MCM9: variants seen among roughly 807,000 people sequenced by gnomAD.
The protein encoded by MCM9 is DNA helicase MCM9.
MCM9 carries 55 observed loss-of-function variants against 72.8 expected under a neutral mutation model. The ratio of observed to expected loss-of-function variants is 0.76; its 90% CI spans 0.61 to 0.95. MCM9 has a LOEUF of 0.95. Ranked by LOEUF, MCM9 falls within the 40% of genes least tolerant of loss-of-function variation. MCM9 has a pLI of 0.00. For missense variants in MCM9, 1,279 were observed against 1,377.0 expected, an observed-to-expected ratio of 0.93 and a Z score of 1.13; for synonymous variants, 480 against 503.4, an observed-to-expected ratio of 0.95 and a Z score of 0.62.
chr6:118,835,393 A>G (rs1774886620), intron 9 of MCM9, among the ~76,000 whole-genome samples: 1 of 152,192 alleles, frequency 6.6e-6, no homozygotes, highest in Non-Finnish European at 1.5e-5. Context: ...GAAGAAAGTC[A>G]ATGGTAGCTT....
At chr6:118,909,477 A>G (rs2114569821) in intron 8 of MCM9, among the ~76,000 whole-genome samples, 1 of 152,358 alleles carries the variant, frequency 6.6e-6, no homozygotes, top group South Asian at 2.1e-4. Flanking sequence ...AAGAAACTGT[A>G]GCACATAAGT....
rs138165800 is a variant in MCM9, at chr6:118,837,256, C to T, written c.1326-8006G>A. On this transcript the variant is annotated intron_variant, in intron 9 of 13. Coordinates refer to ENST00000619706, the MANE Select transcript of MCM9 (RefSeq NM_017696.3). ...GTTTGTTATGATTTTCACTCTTTTG[C>T]ATTTGCTGAGGAGTGTTTTACTTCC... Among the ~76,000 whole-genome samples the T allele has an allele frequency of 5.7e-3, 866 of 152,274 alleles. 8 individuals carry two copies. The highest frequency in any genetic ancestry group is 0.019 in the African/African-American group (794 of 41,550).
intron 6 of MCM9, among the ~76,000 whole-genome samples, chr6:118,914,360 C>T (rs1027674627): frequency 3.3e-5 from 5 of 152,174 alleles, no homozygotes; most frequent in Non-Finnish European, 7.3e-5. Context: ...GCCTAACCAA[C>T]CTATGGAATT....
chr6:118,922,938 A>G (rs746496895), intron 4 of MCM9, among the ~76,000 whole-genome samples: 1 of 150,454 alleles, frequency 6.6e-6, no homozygotes, highest in African/African-American at 2.4e-5. Context: ...AGGCTAAGAC[A>G]GGAGAAATGC....
intron 8 of MCM9, among the ~76,000 whole-genome samples, chr6:118,899,368 CTTT>C (rs1195544733): frequency 3.3e-5 from 5 of 152,140 alleles, no homozygotes; most frequent in Non-Finnish European, 7.4e-5. Flanking sequence ...GGGTTTGGTG[CTTT>C]CCTCCTTCCT....
At chr6:118,879,263 C>T (rs1024020507) in intron 8 of MCM9, among the ~76,000 whole-genome samples, 1 of 147,364 alleles carries the variant, frequency 6.8e-6, no homozygotes, top group East Asian at 2.0e-4. Context: ...AAAAAAAAAA[C>T]CCATGATCCA....
chr6:118,821,023 T>A (rs199861259), intron 13 of MCM9, among the ~76,000 whole-genome samples: 25 of 152,140 alleles, frequency 1.6e-4, no homozygotes, highest in East Asian at 3.9e-4. Flanking sequence ...GTGTATTTGC[T>A]CGTGAGATGG....
At chr6:118,855,061 G>C (rs1776467787) in intron 9 of MCM9, among the ~76,000 whole-genome samples, 1 of 152,170 alleles carries the variant, frequency 6.6e-6, no homozygotes, top group Non-Finnish European at 1.5e-5. Context: ...CAAAGTAGCT[G>C]TGGTTATGAC....
intron 9 of MCM9, among the ~76,000 whole-genome samples, chr6:118,855,159 C>A (rs1441917371): frequency 6.6e-6 from 1 of 152,070 alleles, no homozygotes; most frequent in Non-Finnish European, 1.5e-5. Flanking sequence ...ACAGATAGCA[C>A]AAAAAGCTCA....
chr6:118,874,270 A>G (rs916159356), intron 8 of MCM9, among the ~76,000 whole-genome samples: 1 of 152,192 alleles, frequency 6.6e-6, no homozygotes, highest in Non-Finnish European at 1.5e-5. Flanking sequence ...AATAAAATAA[A>G]AAATCAATTA....
rs1197553155 is a variant in MCM9, at chr6:118,814,819, C to T, written c.*5G>A. The T allele has an allele frequency of 1.3e-6, 2 of 1,485,458 alleles. No individual in the cohort carries two copies. The highest frequency in any genetic ancestry group is 1.8e-6 in the Non-Finnish European group (2 of 1,116,606). The allele number at this position is 1,485,458 out of a possible 1,614,324, so 92.0% of individuals were successfully genotyped here. On this transcript the variant is annotated 3_prime_UTR_variant, in exon 14 of 14. Transcript: ENST00000619706. ...GGTGAGATTTGACCAGAAAGCTTTT[C>T]CCAACTATGACTTTTTTCTCATCTC...
intron 8 of MCM9, among the ~76,000 whole-genome samples, chr6:118,876,056 TGAGCTATCA>T (rs1258461485): frequency 6.6e-6 from 1 of 152,190 alleles, no homozygotes; most frequent in Non-Finnish European, 1.5e-5. Flanking sequence ...TAAACACAAA[TGAGCTATCA>T]GAGCATGAAA....
At chr6:118,849,938 G>A (rs184652052) in intron 9 of MCM9, among the ~76,000 whole-genome samples, 1 of 151,858 alleles carries the variant, frequency 6.6e-6, no homozygotes, top group East Asian at 1.9e-4. Context: ...TATCAGGGAT[G>A]GAAGAAAACA....
chr6:118,843,718 A>ATGTATATATATATG lies in MCM9; in HGVS notation c.1325+12652_1325+12653insCATATATATATACA, dbSNP rs1562407325. 2.7e-3 allele frequency among the ~76,000 whole-genome samples: 203 copies of ATGTATATATATATG among 74,990 alleles called. 12 individuals are homozygous for ATGTATATATATATG. Among genetic ancestry groups the ATGTATATATATATG allele is most frequent in the African/African-American group, 8.9e-3 (193 of 21,800 alleles). 49.2% of individuals were successfully genotyped at this position (74,990 alleles called of 152,430 possible). ...TATATATATATGTATGTATATATATATGTATATATATATATATATATATGA... is the reference window on the plus strand; with the variant it reads ...TATATATATATGTATGTATATATATATGTATATATATATGTGTATATATATATATATATATATGA... On this transcript the variant is annotated intron_variant, in intron 9 of 13. Coordinates refer to ENST00000619706, the MANE Select transcript of MCM9 (RefSeq NM_017696.3).
chr6:118,882,863 G>T (rs992039866), intron 8 of MCM9, among the ~76,000 whole-genome samples: 9 of 152,018 alleles, frequency 5.9e-5, no homozygotes, highest in Non-Finnish European at 7.4e-5. Flanking sequence ...GCCTGGAGGA[G>T]AATTAATATA....
rs143925665 is a variant in MCM9, at chr6:118,826,987, T to A, written c.1733-123A>T. The A allele has an allele frequency of 4.5e-3, 3,383 of 754,150 alleles. 49 individuals are homozygous for A. Among genetic ancestry groups the A allele is most frequent in the African/African-American group, 0.022 (1,259 of 56,722 alleles). The allele number at this position is 754,150 out of a possible 1,614,324, so 46.7% of individuals were successfully genotyped here. ...GCTATTAATAACAACATAATTTTACTAGAACAAGCACAAAAGTCAACATTC... is the reference window on the plus strand; with the variant it reads ...GCTATTAATAACAACATAATTTTACAAGAACAAGCACAAAAGTCAACATTC... On this transcript the variant is annotated intron_variant, in intron 11 of 13. Coordinates refer to ENST00000619706, the MANE Select transcript of MCM9 (RefSeq NM_017696.3).
chr6:118,855,422 G>A (rs1305959400), intron 9 of MCM9, among the ~76,000 whole-genome samples: 1 of 152,060 alleles, frequency 6.6e-6, no homozygotes, highest in Non-Finnish European at 1.5e-5. Context: ...AACATAGCAG[G>A]TCTTTAATGA....
intron 8 of MCM9, among the ~76,000 whole-genome samples, chr6:118,886,879 C>T (rs969548192): frequency 4.6e-4 from 70 of 152,096 alleles, no homozygotes; most frequent in Non-Finnish European, 5.9e-5. Flanking sequence ...GTTGGGGGAT[C>T]GCCTGAGCCC....
chr6:118,933,109 A>G (rs900957535), intron 1 of MCM9, among the ~76,000 whole-genome samples: 1 of 152,202 alleles, frequency 6.6e-6, no homozygotes, highest in Non-Finnish European at 1.5e-5. Flanking sequence ...AAAATGCAAT[A>G]TGAATAGGAG....
Sources: gnomAD v4.1 joint callset for allele counts (sites outside exome capture counted in the v4.1 genomes callset) on GRCh38, gnomAD v4.1.1 for gene constraint, MANE v1.5 for transcripts, NCBI Gene and HGNC (gene_info 2026-07-23, HGNC 2026-07-21) for gene names.